The following DMC1 variants were observed in gnomAD, a reference collection of about 807,000 sequenced individuals.
DMC1 encodes the protein meiotic recombination protein DMC1 homolog.
A neutral mutation model predicts 50.1 loss-of-function variants in DMC1; 27 were observed. The ratio of observed to expected loss-of-function variants is 0.54; its 90% CI spans 0.40 to 0.74. DMC1 has a LOEUF of 0.74. DMC1 is among the 30% of genes least tolerant of loss of function. DMC1 has a pLI of 0.00. For missense variants in DMC1, 295 were observed against 420.2 expected (o/e 0.70, Z 2.60); for synonymous variants, 148 against 136.1 (o/e 1.09, Z -0.61).
intron 8 of DMC1, among the ~76,000 whole-genome samples, chr22:38,546,963 A>C (rs1286489632): frequency 6.6e-6 from 1 of 152,258 alleles, no homozygotes; most frequent in Non-Finnish European, 1.5e-5. Context: ...CAAAACAAAA[A>C]TACAGGAAAA....
At chr22:38,550,737 C>T (rs2090395227) in intron 7 of DMC1, among the ~76,000 whole-genome samples, 1 of 150,552 alleles carries the variant, frequency 6.6e-6, no homozygotes, top group Non-Finnish European at 1.5e-5. Flanking sequence ...TCAAGACCAG[C>T]ATGACCAACA....
intron 8 of DMC1, among the ~76,000 whole-genome samples, chr22:38,543,851 C>T (rs1006796119): frequency 2.6e-5 from 4 of 152,088 alleles, no homozygotes; most frequent in Non-Finnish European, 5.9e-5. Context: ...CTACTCACTC[C>T]ACCACTCCGA....
chr22:38,529,608 C>A (rs986350758), intron 12 of DMC1, among the ~76,000 whole-genome samples: 6 of 152,042 alleles, frequency 3.9e-5, no homozygotes, highest in African/African-American at 1.4e-4. Context: ...ATGCTGGGGT[C>A]ATGAAACATA....
At chr22:38,541,367 C>T (rs1158005265) in intron 8 of DMC1, among the ~76,000 whole-genome samples, 1 of 152,234 alleles carries the variant, frequency 6.6e-6, no homozygotes. Flanking sequence ...TCTCGGCTCA[C>T]TGCAACCTCT....
chr22:38,535,006 A>G (rs980469162), intron 12 of DMC1, among the ~76,000 whole-genome samples: 5 of 147,024 alleles, frequency 3.4e-5, no homozygotes, highest in South Asian at 4.3e-4. Context: ...AACTCCATCT[A>G]AAAAAAAAAG....
chr22:38,517,362 A>G (rs1400065221), downstream of DMC1, among the ~76,000 whole-genome samples: 1 of 152,316 alleles, frequency 6.6e-6, no homozygotes. Context: ...TGAGGTCAGG[A>G]GTTCGAGACC....
At chr22:38,529,415 T>C (rs895719108) in intron 12 of DMC1, among the ~76,000 whole-genome samples, 2 of 152,328 alleles carry the variant, frequency 1.3e-5, no homozygotes, top group Admixed American at 6.5e-5. Flanking sequence ...TCTTCTCTTC[T>C]TCTTTTTTCC....
chr22:38,564,355 G>A (rs1454416177), intron 4 of DMC1, among the ~76,000 whole-genome samples: 4 of 152,068 alleles, frequency 2.6e-5, no homozygotes, highest in Non-Finnish European at 2.9e-5. Context: ...TGTCACCCAG[G>A]CTGGAGCGTA....
At chr22:38,555,208 CAT>C (rs1285098011) in intron 6 of DMC1, 147 bp downstream of exon 6, 2 of 593,542 alleles carry the variant, frequency 3.4e-6, no homozygotes, top group African/African-American at 1.9e-5. Context: ...AGAATGATCT[CAT>C]GTTATGATAA....
intron 12 of DMC1, among the ~76,000 whole-genome samples, chr22:38,524,556 C>T (rs1423606142): frequency 6.6e-6 from 1 of 152,054 alleles, no homozygotes; most frequent in African/African-American, 2.4e-5. Flanking sequence ...CTCATGTTTT[C>T]TCCTTCCCTC....
chr22:38,511,480 C>T, the DMC1 span, among the ~76,000 whole-genome samples: 151 of 152,000 alleles, frequency 9.9e-4, 1 homozygote, highest in African/African-American at 3.6e-3. Context: ...TTTCCATATA[C>T]GTGGAAGGCT....
At chr22:38,538,183 G>T in intron 11 of DMC1, 112 bp downstream of exon 11, 2 of 821,980 alleles carry the variant, frequency 2.4e-6, no homozygotes, top group East Asian at 2.7e-5. Flanking sequence ...TTCTCATAAA[G>T]GTAATTTTAT....
chr22:38,538,670 T>C (rs1157896650), intron 9 of DMC1, 58 bp from the exon 10 acceptor site: 2 of 1,419,006 alleles, frequency 1.4e-6, no homozygotes, highest in Non-Finnish European at 1.0e-6. Flanking sequence ...GAGGCTAAGA[T>C]CATTCATATT....
intron 13 of DMC1, 78 bp from the exon 14 acceptor site, chr22:38,520,167 G>A: frequency 8.3e-7 from 1 of 1,202,206 alleles, no homozygotes; most frequent in Non-Finnish European, 1.2e-6. Context: ...CAGGCATTAT[G>A]TGCCCATCAG....
At chr22:38,547,642 C>T (rs901015631) in intron 8 of DMC1, among the ~76,000 whole-genome samples, 11 of 151,990 alleles carry the variant, frequency 7.2e-5, no homozygotes, top group Admixed American at 1.3e-4. Flanking sequence ...CCAGTTCAAG[C>T]GATTCTCCTG....
intron 2 of DMC1, 72 bp from the exon 3 acceptor site, chr22:38,567,699 G>T: frequency 1.7e-6 from 2 of 1,160,356 alleles, no homozygotes; most frequent in East Asian, 2.3e-5. Flanking sequence ...TTTTAAAGAG[G>T]TAATTCAATA....
chr22:38,566,360 A>G, intron 4 of DMC1, among the ~76,000 whole-genome samples: 1 of 152,138 alleles, frequency 6.6e-6, no homozygotes, highest in East Asian at 1.9e-4. Flanking sequence ...TTTTGGCAAA[A>G]ATAATTACCT....
chr22:38,521,019 G>A (rs1602707921), intron 13 of DMC1, among the ~76,000 whole-genome samples: 1 of 151,998 alleles, frequency 6.6e-6, no homozygotes, highest in Non-Finnish European at 1.5e-5. Flanking sequence ...TTACAGGTGT[G>A]AGCCACTGTG....
intron 12 of DMC1, among the ~76,000 whole-genome samples, chr22:38,526,866 G>A (rs937817062): frequency 1.3e-5 from 2 of 152,034 alleles, no homozygotes; most frequent in African/African-American, 4.8e-5. Flanking sequence ...CTACATTTTC[G>A]TTATCAATAA....
Sources: gnomAD v4.1 joint callset for allele counts (sites outside exome capture counted in the v4.1 genomes callset) on GRCh38, gnomAD v4.1.1 for gene constraint, MANE v1.5 for transcripts, NCBI Gene and HGNC (gene_info 2026-07-23, HGNC 2026-07-21) for gene names.